The following PPP1R9A variants were observed in gnomAD, a reference collection of about 807,000 sequenced individuals.
The protein encoded by PPP1R9A is neurabin-1.
Under a neutral mutation model 141.9 loss-of-function variants are expected in PPP1R9A, and 59 were observed. The observed-to-expected ratio is 0.42, with a 90% CI of 0.34 to 0.52. PPP1R9A has a LOEUF of 0.52. Among genes scored for constraint, PPP1R9A ranks in the 20% least tolerant of loss-of-function variants. The pLI is 0.10. For synonymous variants in PPP1R9A, 500 were observed against 569.7 expected (o/e 0.88, Z 1.74); for missense variants, 1,444 against 1,611.9 (o/e 0.90, Z 1.78).
intron 6 of PPP1R9A, 27 bp from the exon 7 acceptor site, chr7:95,203,638 T>C: frequency 6.6e-7 from 1 of 1,524,080 alleles, no homozygotes; most frequent in African/African-American, 1.4e-5. Flanking sequence ...TTAAGCCTTC[T>C]TTAATATTTT....
intron 8 of PPP1R9A, among the ~76,000 whole-genome samples, chr7:95,246,447 G>A (rs2152996879): frequency 6.6e-6 from 1 of 152,230 alleles, no homozygotes; most frequent in East Asian, 1.9e-4. Context: ...AACTAATTTA[G>A]TGGTACAACC....
chr7:95,116,340 A>G (rs1250069146), intron 3 of PPP1R9A, among the ~76,000 whole-genome samples: 1 of 152,208 alleles, frequency 6.6e-6, no homozygotes. Flanking sequence ...TCTATCTAGA[A>G]AACCAAATTG....
At chr7:95,217,519 T>C (rs1192268133) in intron 7 of PPP1R9A, among the ~76,000 whole-genome samples, 9 of 152,188 alleles carry the variant, frequency 5.9e-5, no homozygotes, top group African/African-American at 2.2e-4. Flanking sequence ...CTTTTTCTAT[T>C]GATTGGAATA....
chr7:95,253,648 G>C (rs1341509243), intron 12 of PPP1R9A, among the ~76,000 whole-genome samples: 1 of 152,062 alleles, frequency 6.6e-6, no homozygotes. Context: ...TTTAAAAGTA[G>C]TATTTCCTTC....
chr7:95,272,834 A>G (rs182006423), intron 14 of PPP1R9A, among the ~76,000 whole-genome samples: 2 of 152,342 alleles, frequency 1.3e-5, no homozygotes, highest in African/African-American at 4.8e-5. Context: ...TCCATACTAG[A>G]AAGTTCCTAG....
rs1297507873 is a variant in PPP1R9A, at chr7:95,055,953, C to A, written c.1396-55306C>A. Among the ~76,000 whole-genome samples the A allele has an allele frequency of 2.0e-5, 3 of 152,104 alleles. No homozygotes were observed. The East Asian group carries it at 5.8e-4, about 29-fold the overall frequency. On this transcript the variant is annotated intron_variant, in intron 2 of 19. Coordinates refer to ENST00000433360, the MANE Select transcript of PPP1R9A (RefSeq NM_001166160.2). ...ATAAGCATTGCTAATCAATACAGAG[C>A]AACCCCAAATAAGTATTAATCCAGT...
chr7:94,965,875 A>T (rs1482139509), intron 2 of PPP1R9A, among the ~76,000 whole-genome samples: 1 of 151,964 alleles, frequency 6.6e-6, no homozygotes, highest in African/African-American at 2.4e-5. Context: ...TGGTAGCTTG[A>T]TGGGGATGGC....
At chr7:94,930,907 A>G (rs1794075243) in intron 2 of PPP1R9A, among the ~76,000 whole-genome samples, 1 of 152,226 alleles carries the variant, frequency 6.6e-6, no homozygotes, top group African/African-American at 2.4e-5. Context: ...GGAATCAGAG[A>G]TGAGGTCCTG....
At chr7:94,943,611 C>T (rs1023328924) in intron 2 of PPP1R9A, among the ~76,000 whole-genome samples, 3 of 99,710 alleles carry the variant, frequency 3.0e-5, no homozygotes, top group African/African-American at 1.5e-4. Flanking sequence ...GGAAGTCAAG[C>T]TTATGATTGC....
chr7:95,196,657 A>G (rs1442141816), intron 5 of PPP1R9A, among the ~76,000 whole-genome samples: 1 of 152,178 alleles, frequency 6.6e-6, no homozygotes, highest in East Asian at 1.9e-4. Flanking sequence ...TTACAGCAAC[A>G]TGGATAAACC....
chr7:95,182,091 G>A (rs940608196), intron 5 of PPP1R9A, among the ~76,000 whole-genome samples: 3 of 151,840 alleles, frequency 2.0e-5, no homozygotes, highest in African/African-American at 7.3e-5. Flanking sequence ...GCTGGGTGAT[G>A]GGTGCACCAA....
At chr7:95,010,887 A>G (rs1478928282) in intron 2 of PPP1R9A, among the ~76,000 whole-genome samples, 1 of 152,214 alleles carries the variant, frequency 6.6e-6, no homozygotes, top group Admixed American at 6.5e-5. Flanking sequence ...TTCTGCATTT[A>G]GTTGCAGATG....
chr7:95,025,761 T>C (rs1311551595), intron 2 of PPP1R9A, among the ~76,000 whole-genome samples: 2 of 152,182 alleles, frequency 1.3e-5, no homozygotes, highest in African/African-American at 4.8e-5. Flanking sequence ...CTTGGAGGCT[T>C]TATTCATTCC....
chr7:95,101,144 G>GC (rs1369310059), intron 2 of PPP1R9A, among the ~76,000 whole-genome samples: 1 of 152,072 alleles, frequency 6.6e-6, no homozygotes, highest in East Asian at 1.9e-4. Flanking sequence ...GAGCCACCGC[G>GC]CCCGGCCTCT....
At chr7:95,197,837 C>T (rs1316986778) in intron 5 of PPP1R9A, among the ~76,000 whole-genome samples, 1 of 151,962 alleles carries the variant, frequency 6.6e-6, no homozygotes, top group Non-Finnish European at 1.5e-5. Flanking sequence ...TTAGTAGAGA[C>T]GGGATTTTGC....
At chr7:94,922,331 A>C (rs970606039) in intron 2 of PPP1R9A, among the ~76,000 whole-genome samples, 2 of 151,982 alleles carry the variant, frequency 1.3e-5, no homozygotes, top group African/African-American at 4.8e-5. Context: ...TTGGTAGGTG[A>C]AAATAACTGT....
In PPP1R9A at chr7:94,962,942, G is replaced by A. The variant is rs545251337; in HGVS notation, c.1395+51434G>A. 1.8e-4 allele frequency among the ~76,000 whole-genome samples: 28 copies of A among 152,130 alleles called. No individual in the cohort carries two copies. In the South Asian group the frequency reaches 5.2e-3, roughly 28 times the overall value. On this transcript the variant is annotated intron_variant, in intron 2 of 19. Coordinates refer to ENST00000433360, the MANE Select transcript of PPP1R9A (RefSeq NM_001166160.2). ...TTCACAGTAGAACTTTCCTTTCCTG[G>A]ATTTGCTTCCTGTTCATACATGCTT...
chr7:95,282,558 T>C (rs1446930780), intron 16 of PPP1R9A, among the ~76,000 whole-genome samples: 1 of 152,186 alleles, frequency 6.6e-6, no homozygotes, highest in Admixed American at 6.5e-5. Flanking sequence ...CCCAAGATCC[T>C]TCCCAAGTTG....
intron 2 of PPP1R9A, among the ~76,000 whole-genome samples, chr7:94,971,366 TA>T (rs1798841323): frequency 6.6e-6 from 1 of 152,238 alleles, no homozygotes; most frequent in Non-Finnish European, 1.5e-5. Flanking sequence ...AAATTTTGGA[TA>T]AATGAATTGC....
Sources: gnomAD v4.1 joint callset for allele counts (sites outside exome capture counted in the v4.1 genomes callset) on GRCh38, gnomAD v4.1.1 for gene constraint, MANE v1.5 for transcripts, NCBI Gene and HGNC (gene_info 2026-07-23, HGNC 2026-07-21) for gene names.